DMD: variants seen among roughly 807,000 people sequenced by gnomAD.
The protein encoded by DMD is dystrophin.
In DMD, 63 loss-of-function variants were observed where a neutral mutation model predicts 330.1. The ratio of observed to expected loss-of-function variants is 0.19; its 90% confidence interval spans 0.16 to 0.24. The LOEUF is 0.24. DMD is among the 10% of genes least tolerant of loss of function. The pLI is 1.00. For missense variants in DMD, 3,344 were observed against 2,684.1 expected (o/e 1.25, Z -5.43); for synonymous variants, 1,223 against 959.8 (o/e 1.27, Z -5.07).
rs143141196 is a variant in DMD at position 32,414,884 on chromosome X, C to G, written c.4072-2971G>C. Among the ~76,000 whole-genome samples the G allele has an allele frequency of 3.0e-3, 333 of 111,932 alleles. 3 individuals are homozygous for G. The highest frequency in any genetic ancestry group is 9.4e-3 in the African/African-American group (290 of 30,880). On this transcript the variant is annotated intron_variant, in intron 29 of 78. Transcript: ENST00000357033. ...CTATATTCCAATTCAAACATAGCTT[C>G]CTTTTGTTCTCAGTCAAAATTTCAA...
chrX:31,582,304 T>C (rs1198719786), intron 55 of DMD, among the ~76,000 whole-genome samples: 2 of 110,919 alleles, frequency 1.8e-5, no homozygotes, highest in Admixed American at 1.9e-4. Context: ...GATGGAAGTA[T>C]TGGGACGTAA....
At chrX:33,085,483 G>A (rs1020751175) in intron 1 of DMD, among the ~76,000 whole-genome samples, 3 of 111,653 alleles carry the variant, frequency 2.7e-5, no homozygotes, top group Admixed American at 9.6e-5. Flanking sequence ...ATGGGAACAA[G>A]AATATTTTAC....
chrX:32,603,006 A>G (rs1602064993), intron 12 of DMD, among the ~76,000 whole-genome samples: 1 of 111,672 alleles, frequency 9.0e-6, no homozygotes, highest in Non-Finnish European at 1.9e-5. Flanking sequence ...TCAAGTATTA[A>G]TATCCTTCCA....
intron 41 of DMD, among the ~76,000 whole-genome samples, chrX:32,337,255 A>G (rs1459604490): frequency 1.8e-5 from 2 of 110,988 alleles, no homozygotes; most frequent in African/African-American, 6.5e-5. Flanking sequence ...TGACTTAAGT[A>G]AATAATAGTG....
chrX:31,989,630 G>A (rs2095535712), intron 44 of DMD, among the ~76,000 whole-genome samples: 1 of 110,567 alleles, frequency 9.0e-6, no homozygotes, highest in Non-Finnish European at 1.9e-5. Context: ...GGAAAAACAG[G>A]AGAAAAACAT....
At chrX:33,141,021 G>A (rs775431776) in intron 1 of DMD, among the ~76,000 whole-genome samples, 19 of 111,419 alleles carry the variant, frequency 1.7e-4, no homozygotes, top group Non-Finnish European at 3.0e-4. Context: ...TTCAATAATT[G>A]TTACATGCTG....
intron 21 of DMD, among the ~76,000 whole-genome samples, chrX:32,482,642 C>T (rs1162807313): frequency 9.0e-6 from 1 of 111,467 alleles, no homozygotes; most frequent in African/African-American, 3.2e-5. Flanking sequence ...CTTACAGCAT[C>T]CCATATCCAT....
At chrX:31,203,484 C>T (rs983692673) in intron 67 of DMD, among the ~76,000 whole-genome samples, 12 of 109,022 alleles carry the variant, frequency 1.1e-4, no homozygotes, top group African/African-American at 4.0e-4. Context: ...AGAGAGTATA[C>T]ACCTCTAGAC....
chrX:31,219,527 C>T (rs2045761793), intron 64 of DMD, among the ~76,000 whole-genome samples: 1 of 110,902 alleles, frequency 9.0e-6, no homozygotes, highest in South Asian at 3.9e-4. Flanking sequence ...ACATCCTTCA[C>T]CTTGCTGCTA....
chrX:32,215,071 C>T (rs2097107456), intron 44 of DMD, among the ~76,000 whole-genome samples: 1 of 111,235 alleles, frequency 9.0e-6, no homozygotes, highest in African/African-American at 3.3e-5. Context: ...ACTTTTACTT[C>T]TAAGAGATGA....
chrX:32,697,772 A>C, intron 9 of DMD, 98 bp downstream of exon 9: 1 of 1,122,053 alleles, frequency 8.9e-7, no homozygotes, highest in Non-Finnish European at 1.2e-6. Context: ...TCACGAGGAG[A>C]TAAAAGGCAC....
chrX:31,450,785 A>T (rs1324269635), intron 59 of DMD, among the ~76,000 whole-genome samples: 1 of 112,222 alleles, frequency 8.9e-6, no homozygotes, highest in Admixed American at 9.4e-5. Context: ...TTCCCAGATC[A>T]CAAATTGTAC....
intron 43 of DMD, among the ~76,000 whole-genome samples, chrX:32,272,377 C>A (rs904546132): frequency 4.5e-5 from 5 of 112,112 alleles, no homozygotes; most frequent in African/African-American, 1.3e-4. Context: ...GAATTACAAT[C>A]CATTTCTGCT....
intron 7 of DMD, among the ~76,000 whole-genome samples, chrX:32,730,337 T>C (rs1484683739): frequency 1.8e-5 from 2 of 112,179 alleles, no homozygotes; most frequent in Non-Finnish European, 3.8e-5. Flanking sequence ...AAGAGTAATA[T>C]CTTGTCTCTT....
chrX:32,984,459 T>C (rs774035166), intron 2 of DMD, among the ~76,000 whole-genome samples: 1 of 111,600 alleles, frequency 9.0e-6, no homozygotes, highest in African/African-American at 3.3e-5. Context: ...TTTGTCATGT[T>C]GGCCAGGCTG....
intron 9 of DMD, among the ~76,000 whole-genome samples, chrX:32,678,788 C>T (rs1332234448): frequency 2.7e-5 from 3 of 111,766 alleles, no homozygotes; most frequent in Admixed American, 9.6e-5. Flanking sequence ...CATAAACTTA[C>T]GCACGTTGTC....
At chrX:32,190,954 A>T (rs923354171) in intron 44 of DMD, among the ~76,000 whole-genome samples, 1 of 110,024 alleles carries the variant, frequency 9.1e-6, no homozygotes, top group African/African-American at 3.3e-5. Flanking sequence ...GTTGGGAAAT[A>T]AGACTCAGAA....
chrX:31,712,194 A>G (rs2084690182), intron 52 of DMD, among the ~76,000 whole-genome samples: 1 of 112,035 alleles, frequency 8.9e-6, no homozygotes, highest in Admixed American at 9.5e-5. Flanking sequence ...AAATGTATGC[A>G]CAGTTGTGGG....
chrX:32,778,744 C>A (rs2074416901), intron 7 of DMD, among the ~76,000 whole-genome samples: 1 of 111,479 alleles, frequency 9.0e-6, no homozygotes, highest in Non-Finnish European at 1.9e-5. Flanking sequence ...ATCACTCAGG[C>A]CTACTCTTGT....
Sources: gnomAD v4.1 joint callset for allele counts (sites outside exome capture counted in the v4.1 genomes callset) on GRCh38, gnomAD v4.1.1 for gene constraint, MANE v1.5 for transcripts, NCBI Gene and HGNC (gene_info 2026-07-23, HGNC 2026-07-21) for gene names.